The following EFCAB11 variants were observed in gnomAD, a reference collection of about 807,000 sequenced individuals.
EFCAB11 encodes EF-hand calcium-binding domain-containing protein 11.
Under a neutral mutation model 23.0 loss-of-function variants are expected in EFCAB11, and 14 were observed. The ratio of observed to expected loss-of-function variants is 0.61; its 90% CI spans 0.40 to 0.95. The LOEUF is 0.95. Ranked by LOEUF, EFCAB11 falls within the 40% of genes least tolerant of loss-of-function variation. EFCAB11 has a pLI of 0.00. For missense variants in EFCAB11, 198 were observed against 195.8 expected (o/e 1.01, Z -0.07); for synonymous variants, 65 against 66.6 (o/e 0.98, Z 0.11).
chr14:89,950,973 G>A (rs976671968), intron 2 of EFCAB11, among the ~76,000 whole-genome samples: 1 of 151,880 alleles, frequency 6.6e-6, no homozygotes, highest in Non-Finnish European at 1.5e-5. Flanking sequence ...TACTCTTCCT[G>A]GGCAATGCCA....
At chr14:89,887,453 G>T (rs1345018252) in intron 5 of EFCAB11, among the ~76,000 whole-genome samples, 1 of 152,056 alleles carries the variant, frequency 6.6e-6, no homozygotes, top group Non-Finnish European at 1.5e-5. Flanking sequence ...TTGAAGTTTT[G>T]GAATTCTTTT....
intron 3 of EFCAB11, 52 bp downstream of exon 3, chr14:89,950,045 C>A (rs879469833): frequency 1.4e-6 from 2 of 1,477,588 alleles, no homozygotes; most frequent in African/African-American, 1.4e-5. Flanking sequence ...ACAGCCAAGC[C>A]ATCTCAGTGT....
intron 5 of EFCAB11, among the ~76,000 whole-genome samples, chr14:89,818,442 G>A (rs746887986): frequency 1.3e-5 from 2 of 151,800 alleles, no homozygotes; most frequent in African/African-American, 4.8e-5. Context: ...GAAAGAGGAC[G>A]TAGGGAGAAG....
chr14:89,870,459 A>G (rs749802559), intron 5 of EFCAB11, among the ~76,000 whole-genome samples: 38 of 152,224 alleles, frequency 2.5e-4, no homozygotes, highest in Non-Finnish European at 4.7e-4. Flanking sequence ...CAGATGTTAT[A>G]TGACTCATAG....
intron 5 of EFCAB11, among the ~76,000 whole-genome samples, chr14:89,878,648 G>T (rs1434052284): frequency 6.6e-5 from 10 of 151,998 alleles, no homozygotes; most frequent in Admixed American, 6.6e-4. Flanking sequence ...TAAAGAATAT[G>T]GAGTACATTT....
rs371329661 is a variant in EFCAB11 at position 89,835,569 on chromosome 14, G to A, written c.411-38245C>T. 4.3e-4 allele frequency among the ~76,000 whole-genome samples: 62 copies of A among 143,064 alleles called. No homozygotes were observed. The South Asian group carries it at 0.013, about 31-fold the overall frequency. The allele number at this position is 143,064 out of a possible 152,430, so 93.9% of individuals were successfully genotyped here. On this transcript the variant is annotated intron_variant, in intron 5 of 5. Coordinates refer to ENST00000316738, the MANE Select transcript of EFCAB11 (RefSeq NM_145231.4). ...AGATTTTGGAGCATTTTGGATTTCA[G>A]ATTAGGGATGCTCAACGTGTGTGTG...
intron 5 of EFCAB11, chr14:89,892,238 C>T (rs1888995026): frequency 6.2e-7 from 1 of 1,611,152 alleles, no homozygotes; most frequent in Non-Finnish European, 8.5e-7. Flanking sequence ...AGCTGCCTCC[C>T]TGGGCATGGC....
At chr14:89,919,108 G>C (rs929253558) in intron 5 of EFCAB11, among the ~76,000 whole-genome samples, 1 of 151,904 alleles carries the variant, frequency 6.6e-6, no homozygotes, top group African/African-American at 2.4e-5. Flanking sequence ...GATCAAGGCC[G>C]GCACCAGGGG....
intron 2 of EFCAB11, chr14:89,952,490 G>C: frequency 3.0e-6 from 3 of 985,370 alleles, no homozygotes; most frequent in Non-Finnish European, 3.6e-6. Context: ...GTAAACAGGA[G>C]AGCTGCCATT....
intron 5 of EFCAB11, among the ~76,000 whole-genome samples, chr14:89,825,607 C>T (rs970352305): frequency 4.6e-5 from 7 of 151,884 alleles, no homozygotes; most frequent in African/African-American, 1.7e-4. Context: ...GAGAAGAAAA[C>T]CCACAAATCA....
chr14:89,824,431 G>A (rs1245559105), intron 5 of EFCAB11, among the ~76,000 whole-genome samples: 2 of 151,896 alleles, frequency 1.3e-5, no homozygotes, highest in Non-Finnish European at 1.5e-5. Flanking sequence ...ATCTACAAAA[G>A]GGAAAGAAAA....
intron 5 of EFCAB11, 22 bp from the exon 6 acceptor site, chr14:89,797,346 C>A: frequency 6.2e-7 from 1 of 1,606,272 alleles, no homozygotes; most frequent in South Asian, 1.1e-5. Context: ...AACAAAAAGT[C>A]ATTTACACAT....
At chr14:89,874,785 G>A (rs1168680764) in intron 5 of EFCAB11, among the ~76,000 whole-genome samples, 5 of 152,086 alleles carry the variant, frequency 3.3e-5, no homozygotes, top group African/African-American at 1.2e-4. Flanking sequence ...CCAGCTACTC[G>A]GGAGGCTGAG....
chr14:89,797,616 CAT>C (rs1421185883), intron 5 of EFCAB11, among the ~76,000 whole-genome samples: 6 of 152,108 alleles, frequency 3.9e-5, no homozygotes, highest in Admixed American at 2.6e-4. Flanking sequence ...TTATCTTACA[CAT>C]GTCTTTCTGT....
intron 3 of EFCAB11, among the ~76,000 whole-genome samples, chr14:89,939,988 C>T (rs1245410183): frequency 4.6e-5 from 7 of 152,160 alleles, no homozygotes; most frequent in African/African-American, 1.4e-4. Context: ...CCACCTTCCT[C>T]GGCCTCCCAA....
At chr14:89,870,853 C>T (rs1165468094) in intron 5 of EFCAB11, among the ~76,000 whole-genome samples, 1 of 151,838 alleles carries the variant, frequency 6.6e-6, no homozygotes, top group African/African-American at 2.4e-5. Context: ...GGCAGGAGAA[C>T]CGCTTGAACC....
At position 89,924,783 on chromosome 14, in the gene EFCAB11, G is replaced by A; in HGVS notation, c.410+6758C>T. ...ACATGTGGCTATGAAGCTCCTGACTGCATTTTAAAGGACTCTTTCCTAGTT... is the reference window on the plus strand; with the variant it reads ...ACATGTGGCTATGAAGCTCCTGACTACATTTTAAAGGACTCTTTCCTAGTT... On this transcript the variant is annotated intron_variant, in intron 5 of 5. Transcript: ENST00000316738. The A allele has an allele frequency of 8.2e-6, 10 of 1,221,776 alleles. No individual in the cohort carries two copies. The South Asian group carries it at 1.4e-4, about 17-fold the overall frequency. 75.7% of individuals were successfully genotyped at this position (1,221,776 alleles called of 1,614,324 possible). A position where few individuals can be genotyped will look rare whatever the true frequency, so the allele number is the denominator to read the frequency against.
chr14:89,887,295 G>T (rs905889463), intron 5 of EFCAB11, among the ~76,000 whole-genome samples: 3 of 152,176 alleles, frequency 2.0e-5, no homozygotes, highest in Non-Finnish European at 4.4e-5. Flanking sequence ...CCTCTCTGAT[G>T]ATGTGATATT....
chr14:89,932,110 C>T (rs1451714153), intron 4 of EFCAB11, among the ~76,000 whole-genome samples: 1 of 152,184 alleles, frequency 6.6e-6, no homozygotes, highest in East Asian at 1.9e-4. Flanking sequence ...ATCTGTGGGG[C>T]CTAGGGGGTC....
Sources: gnomAD v4.1 joint callset for allele counts (sites outside exome capture counted in the v4.1 genomes callset) on GRCh38, gnomAD v4.1.1 for gene constraint, MANE v1.5 for transcripts, NCBI Gene and HGNC (gene_info 2026-07-23, HGNC 2026-07-21) for gene names.